The following STPG2 variants were observed in gnomAD, a reference collection of about 807,000 sequenced individuals.
STPG2 encodes sperm-tail PG-rich repeat-containing protein 2.
A neutral mutation model predicts 54.2 loss-of-function variants in STPG2; 56 were observed. The ratio of observed to expected loss-of-function variants is 1.03; its 90% CI spans 0.83 to 1.29. STPG2 has a LOEUF of 1.29. Ranked by LOEUF, STPG2 falls within the 50% of genes most tolerant of loss-of-function variation. STPG2 has a pLI of 0.00. For missense variants in STPG2, 596 were observed against 544.9 expected (o/e 1.09, Z -0.93); for synonymous variants, 200 against 181.8 (o/e 1.10, Z -0.81).
In STPG2 at chr4:97,467,933, CA is replaced by C. The variant is rs1729828447; in HGVS notation, c.462+244765del. 4.0e-5 allele frequency among the ~76,000 whole-genome samples: 6 copies of C among 149,882 alleles called. No homozygotes were observed. The South Asian group carries it at 1.3e-3, about 31-fold the overall frequency. ...GGTGAGGTTCTTATGTGGCATACTA[CA>C]TAGACTGTAGAGAATAAACATTATA... On this transcript the variant is annotated intron_variant, in intron 4 of 4. Transcript: ENST00000522676.
At chr4:97,502,912 C>G (rs190346802) in intron 4 of STPG2, among the ~76,000 whole-genome samples, 1 of 152,068 alleles carries the variant, frequency 6.6e-6, no homozygotes, top group Admixed American at 6.6e-5. Flanking sequence ...CTCTCATTCA[C>G]TCTCTTACTT....
intron 4 of STPG2, among the ~76,000 whole-genome samples, chr4:97,472,339 C>A (rs1445500270): frequency 6.6e-6 from 1 of 152,164 alleles, no homozygotes; most frequent in Non-Finnish European, 1.5e-5. Context: ...CAGTGGGCAT[C>A]CCCAAACTTT....
chr4:97,443,264 A>G (rs1729135342), intron 4 of STPG2, among the ~76,000 whole-genome samples: 1 of 152,152 alleles, frequency 6.6e-6, no homozygotes, highest in East Asian at 1.9e-4. Flanking sequence ...ATAAAAACCT[A>G]AGCTGAGACT....
rs369625499 is a variant in STPG2, at chr4:97,562,701, C to A, written c.1321-3584G>T. ...CTTTTCTGCATCTATTGAGATAATC[C>A]TGTGTTTTTTGTCTTTGCTTCTGTT... On this transcript the variant is annotated intron_variant, in intron 10 of 10. Coordinates refer to ENST00000295268, the MANE Select transcript of STPG2 (RefSeq NM_174952.3). Among the ~76,000 whole-genome samples, 480 of 151,968 alleles carry A rather than the reference C, an allele frequency of 3.2e-3. 2 individuals carry two copies. The highest frequency in any genetic ancestry group is 0.011 in the African/African-American group (451 of 41,452).
chr4:97,909,428 A>T (rs1731591893), intron 8 of STPG2, among the ~76,000 whole-genome samples: 1 of 152,190 alleles, frequency 6.6e-6, no homozygotes, highest in Non-Finnish European at 1.5e-5. Flanking sequence ...CTTTCAGAAA[A>T]TGGAAAAACA....
intron 10 of STPG2, among the ~76,000 whole-genome samples, chr4:97,704,377 C>G (rs1400852147): frequency 3.3e-5 from 5 of 152,182 alleles, no homozygotes; most frequent in African/African-American, 1.2e-4. Context: ...CTGGATTCCT[C>G]TCAACACAAC....
chr4:98,017,489 A>C (rs1296819658), intron 5 of STPG2, among the ~76,000 whole-genome samples: 1 of 152,074 alleles, frequency 6.6e-6, no homozygotes, highest in Non-Finnish European at 1.5e-5. Context: ...TTCCCAACAC[A>C]TTTCTCTGCA....
chr4:97,712,895 G>T, intron 9 of STPG2, 81 bp from the exon 10 acceptor site: 1 of 846,164 alleles, frequency 1.2e-6, no homozygotes, highest in Non-Finnish European at 1.7e-6. Flanking sequence ...TTAGGTTTGT[G>T]CTCTTAATGT....
At chr4:97,883,487 T>C (rs987894016) in intron 8 of STPG2, among the ~76,000 whole-genome samples, 2 of 151,968 alleles carry the variant, frequency 1.3e-5, no homozygotes, top group African/African-American at 4.8e-5. Context: ...AAAATAACTA[T>C]AACCAATGAT....
chr4:97,957,219 C>T (rs1202342330), intron 7 of STPG2, among the ~76,000 whole-genome samples: 1 of 126,038 alleles, frequency 7.9e-6, no homozygotes, highest in Non-Finnish European at 1.8e-5. Context: ...ATGAAATAAA[C>T]AGTATAAATA....
intron 4 of STPG2, among the ~76,000 whole-genome samples, chr4:97,477,674 T>C (rs1314529741): frequency 6.6e-6 from 1 of 151,220 alleles, no homozygotes; most frequent in Non-Finnish European, 1.5e-5. Context: ...GTATTTTTAG[T>C]AGAGATGGGG....
intron 4 of STPG2, among the ~76,000 whole-genome samples, chr4:97,461,823 A>G (rs1476764356): frequency 6.6e-6 from 1 of 151,802 alleles, no homozygotes; most frequent in African/African-American, 2.4e-5. Flanking sequence ...TTTTAAATCT[A>G]TTTTTAGAAC....
chr4:97,734,822 T>G (rs1290917962), intron 9 of STPG2, among the ~76,000 whole-genome samples: 1 of 151,960 alleles, frequency 6.6e-6, no homozygotes, highest in Non-Finnish European at 1.5e-5. Context: ...CCTGTAATCC[T>G]AGCACTTTGG....
chr4:97,598,991 A>G (rs1733381691), intron 10 of STPG2, among the ~76,000 whole-genome samples: 1 of 152,196 alleles, frequency 6.6e-6, no homozygotes, highest in South Asian at 2.1e-4. Context: ...GCAGAATGGG[A>G]GAAAATATTT....
chr4:98,124,553 C>T (rs538333950), intron 3 of STPG2, among the ~76,000 whole-genome samples: 4 of 152,280 alleles, frequency 2.6e-5, no homozygotes, highest in African/African-American at 9.6e-5. Flanking sequence ...TCCACTCTTT[C>T]TCTGATGGGC....
rs570333719 is a variant in STPG2 at position 97,541,624 on chromosome 4, A to C, written c.462+171075T>G. Among the ~76,000 whole-genome samples, 1,255 of 152,312 alleles carry C rather than the reference A, an allele frequency of 8.2e-3. 9 individuals are homozygous for C. Among genetic ancestry groups the C allele is most frequent in the Non-Finnish European group, 0.013 (907 of 68,008 alleles). ...TCACAGAATTGGAAAAACCTACTTT[A>C]GAGTTTATATGGAACCAAAAAAGAG... On this transcript the variant is annotated intron_variant, in intron 4 of 4. Transcript: ENST00000522676.
intron 9 of STPG2, among the ~76,000 whole-genome samples, chr4:97,765,252 C>G (rs1726006531): frequency 6.6e-6 from 1 of 152,106 alleles, no homozygotes; most frequent in African/African-American, 2.4e-5. Flanking sequence ...TCAGAACACT[C>G]TTGGTGTACT....
intron 5 of STPG2, among the ~76,000 whole-genome samples, chr4:97,994,684 C>T (rs1409668708): frequency 6.6e-6 from 1 of 152,072 alleles, no homozygotes; most frequent in Non-Finnish European, 1.5e-5. Context: ...AATACCAGCA[C>T]CTACTCTGGT....
chr4:97,782,721 C>A (rs1200532977), intron 9 of STPG2, among the ~76,000 whole-genome samples: 1 of 152,104 alleles, frequency 6.6e-6, no homozygotes, highest in Non-Finnish European at 1.5e-5. Flanking sequence ...GGTACTGGTA[C>A]CAAAACACAG....
Sources: allele counts gnomAD v4.1 joint callset (sites outside exome capture counted in the v4.1 genomes callset), GRCh38; gene constraint gnomAD v4.1.1; transcripts MANE v1.5; gene names NCBI Gene and HGNC (gene_info 2026-07-23, HGNC 2026-07-21).